The following CREB5 variants were observed in gnomAD, a reference collection of about 807,000 sequenced individuals.
CREB5 encodes cAMP responsive element binding protein 5.
A neutral mutation model predicts 57.1 loss-of-function variants in CREB5; 19 were observed. The ratio of observed to expected loss-of-function variants is 0.33; its 90% confidence interval spans 0.23 to 0.49. CREB5 has a LOEUF of 0.49. Ranked by LOEUF, CREB5 falls within the 20% of genes least tolerant of loss-of-function variation. The pLI is 0.99. For missense variants in CREB5, 579 were observed against 671.6 expected, an observed-to-expected ratio of 0.86 and a Z score of 1.52; for synonymous variants, 238 against 238.3, an observed-to-expected ratio of 1.00 and a Z score of 0.01.
chr7:28,635,272 C>T (rs1798372999), intron 5 of CREB5, among the ~76,000 whole-genome samples: 1 of 152,168 alleles, frequency 6.6e-6, no homozygotes, highest in African/African-American at 2.4e-5. Flanking sequence ...AGGTGTAATA[C>T]ACATTTGGCT....
intron 5 of CREB5, among the ~76,000 whole-genome samples, chr7:28,606,681 C>T (rs1431734440): frequency 6.6e-6 from 1 of 152,112 alleles, no homozygotes; most frequent in Non-Finnish European, 1.5e-5. Flanking sequence ...GGGAGACCAT[C>T]TTATGTTACT....
intron 5 of CREB5, among the ~76,000 whole-genome samples, chr7:28,577,705 T>C (rs1795955728): frequency 6.6e-6 from 1 of 152,194 alleles, no homozygotes; most frequent in Non-Finnish European, 1.5e-5. Context: ...GGTTTAAGTT[T>C]TTTCACCTTT....
intron 3 of CREB5, among the ~76,000 whole-genome samples, chr7:28,495,899 G>A (rs866252789): frequency 4.6e-5 from 7 of 152,198 alleles, no homozygotes; most frequent in Admixed American, 4.6e-4. Context: ...AATGTGAGCA[G>A]AAATAAATAA....
At chr7:28,775,543 C>CATAT (rs56224961) in intron 7 of CREB5, among the ~76,000 whole-genome samples, 9,254 of 120,586 alleles carry the variant, frequency 0.077, 701 homozygotes, top group Non-Finnish European at 0.11. Context: ...ATTCCTTAGC[C>CATAT]ATATATATAT....
intron 1 of CREB5, among the ~76,000 whole-genome samples, chr7:28,455,836 G>A (rs1790071450): frequency 6.6e-6 from 1 of 152,242 alleles, no homozygotes; most frequent in Non-Finnish European, 1.5e-5. Flanking sequence ...GGCCAAGAGG[G>A]TTGGGTGAGA....
chr7:28,720,064 A>C (rs1562594810), intron 6 of CREB5, among the ~76,000 whole-genome samples: 1 of 152,202 alleles, frequency 6.6e-6, no homozygotes, highest in Non-Finnish European at 1.5e-5. Context: ...CGTCTCAAAA[A>C]ACAAACACAA....
intron 5 of CREB5, among the ~76,000 whole-genome samples, chr7:28,618,674 T>C (rs113071414): frequency 6.6e-6 from 1 of 152,204 alleles, no homozygotes; most frequent in Non-Finnish European, 1.5e-5. Flanking sequence ...AGGCATGATC[T>C]CTGTGATCCT....
chr7:28,464,674 G>T (rs943066308), intron 1 of CREB5, among the ~76,000 whole-genome samples: 8 of 149,728 alleles, frequency 5.3e-5, no homozygotes, highest in Non-Finnish European at 8.9e-5. Context: ...CAATACAGTT[G>T]TTCCTGCTGC....
intron 4 of CREB5, among the ~76,000 whole-genome samples, chr7:28,553,416 T>C: frequency 6.6e-6 from 1 of 152,212 alleles, no homozygotes; most frequent in East Asian, 1.9e-4. Context: ...ACCTTGTTTA[T>C]TTGCTTTTTA....
chr7:28,701,915 A>C (rs563295229), intron 5 of CREB5, among the ~76,000 whole-genome samples: 1 of 152,384 alleles, frequency 6.6e-6, no homozygotes, highest in East Asian at 1.9e-4. Context: ...TTATGAAGAC[A>C]AATACTGGCT....
At chr7:28,533,255 C>T (rs1352895196) in intron 4 of CREB5, among the ~76,000 whole-genome samples, 1 of 152,130 alleles carries the variant, frequency 6.6e-6, no homozygotes, top group African/African-American at 2.4e-5. Flanking sequence ...GAAGTCAAAG[C>T]TTGTGTAACG....
At chr7:28,446,160 G>C (rs1412457830) in intron 1 of CREB5, among the ~76,000 whole-genome samples, 1 of 152,060 alleles carries the variant, frequency 6.6e-6, no homozygotes, top group Admixed American at 6.5e-5. Context: ...TCTGCCCACT[G>C]TTTCCTTGTT....
rs770659770 is a variant in CREB5 at position 28,818,100 on chromosome 7, G to T, written c.1284G>T (p.Val428=). Residue 428 remains valine (V), a synonymous_variant, in exon 10 of 11, where the codon GTG becomes GTT. Transcript: ENST00000357727. ...AAGTGTCTATGTTGAAAAATGAGGT[G>T]GCCCAGCTGAAACAGTTGTTGTTAA... ...QNEVSMLKNE[V]AQLKQLLLTH... is the part of the protein sequence containing the mutation. The T allele has an allele frequency of 1.2e-6, 2 of 1,613,538 alleles. No homozygotes were observed. Among genetic ancestry groups the T allele is most frequent in the South Asian group, 2.2e-5 (2 of 91,026 alleles).
intron 1 of CREB5, among the ~76,000 whole-genome samples, chr7:28,334,044 G>A (rs575482865): frequency 6.6e-6 from 1 of 152,268 alleles, no homozygotes; most frequent in African/African-American, 2.4e-5. Flanking sequence ...ATCCTTGCCA[G>A]CGTTTGTAAT....
At chr7:28,608,489 A>G (rs1797254371) in intron 5 of CREB5, among the ~76,000 whole-genome samples, 1 of 152,044 alleles carries the variant, frequency 6.6e-6, no homozygotes, top group Admixed American at 6.6e-5. Flanking sequence ...GAGCCAGCAG[A>G]ATTTGGTTGT....
chr7:28,715,211 A>ATTT (rs1802615840), intron 5 of CREB5, among the ~76,000 whole-genome samples: 1 of 152,188 alleles, frequency 6.6e-6, no homozygotes, highest in South Asian at 2.1e-4. Context: ...ATCAATAATA[A>ATTT]CGTAGTTATG....
chr7:28,677,910 AAG>A (rs1044239542), intron 5 of CREB5, among the ~76,000 whole-genome samples: 3 of 150,042 alleles, frequency 2.0e-5, no homozygotes, highest in South Asian at 2.1e-4. Context: ...GAAAGAGAGA[AAG>A]AGAGAGAGAA....
intron 1 of CREB5, among the ~76,000 whole-genome samples, chr7:28,326,232 T>G (rs1055029204): frequency 6.6e-6 from 1 of 152,090 alleles, no homozygotes; most frequent in African/African-American, 2.4e-5. Context: ...TTGAAAAACA[T>G]GAGTTCACAC....
intron 5 of CREB5, among the ~76,000 whole-genome samples, chr7:28,691,445 T>C (rs1801253381): frequency 6.6e-6 from 1 of 150,864 alleles, no homozygotes; most frequent in South Asian, 2.1e-4. Context: ...AAAAAAAGTT[T>C]GTATTTGCAA....
Sources: gnomAD v4.1 joint callset for allele counts (sites outside exome capture counted in the v4.1 genomes callset) on GRCh38, gnomAD v4.1.1 for gene constraint, MANE v1.5 for transcripts, NCBI Gene and HGNC (gene_info 2026-07-23, HGNC 2026-07-21) for gene names.